Variants in NRP1 observed in about 807,000 individuals in gnomAD.
NRP1 encodes neuropilin 1, also known as neuropilin-1.
A neutral mutation model predicts 106.7 loss-of-function variants in NRP1; 35 were observed. The ratio of observed to expected loss-of-function variants is 0.33; its 90% CI spans 0.25 to 0.43. The LOEUF is 0.43. Among genes scored for constraint, NRP1 ranks in the 20% least tolerant of loss-of-function variants. The pLI is 1.00. For synonymous variants in NRP1, 437 were observed against 417.9 expected, an observed-to-expected ratio of 1.05 and a Z score of -0.56; for missense variants, 1,024 against 1,170.4, an observed-to-expected ratio of 0.87 and a Z score of 1.83.
chr10:33,243,099 C>G (rs182372869), intron 6 of NRP1, among the ~76,000 whole-genome samples: 4 of 152,186 alleles, frequency 2.6e-5, no homozygotes, highest in East Asian at 1.9e-4. Flanking sequence ...CTTATCTCCC[C>G]CTGTGGGCTG....
chr10:33,243,282 T>C (rs189645918), intron 6 of NRP1, among the ~76,000 whole-genome samples: 1,999 of 152,046 alleles, frequency 0.013, 34 homozygotes, highest in African/African-American at 0.045. Flanking sequence ...CACATAATTA[T>C]CATAGTGTTT....
intron 14 of NRP1, 48 bp downstream of exon 14, chr10:33,186,169 A>C (rs1452720096): frequency 6.5e-7 from 1 of 1,532,020 alleles, no homozygotes; most frequent in African/African-American, 1.4e-5. Context: ...ATATCATCTC[A>C]GCATTCCTGC....
At chr10:33,306,388 A>G (rs1298948370) in intron 2 of NRP1, among the ~76,000 whole-genome samples, 4 of 74,136 alleles carry the variant, frequency 5.4e-5, no homozygotes, top group Non-Finnish European at 8.9e-5. Flanking sequence ...GTGTGTGTGC[A>G]CGCTCCTGCA....
chr10:33,326,965 T>A lies in NRP1; in HGVS notation c.248+3743A>T, dbSNP rs568779093. On this transcript the variant is annotated intron_variant, in intron 2 of 16. Coordinates refer to ENST00000374867, the MANE Select transcript of NRP1 (RefSeq NM_003873.7). ...AAACAATAAAAATCTAAATAAAAAA[T>A]TTTTTTTTTTCTACCAGGACTATGT... Among the ~76,000 whole-genome samples, 313 of 149,558 alleles carry A rather than the reference T, an allele frequency of 2.1e-3. 1 individual carries two copies. The highest frequency in any genetic ancestry group is 6.8e-3 in the Middle Eastern group (2 of 292).
At chr10:33,244,914 A>G (rs922288562) in intron 6 of NRP1, among the ~76,000 whole-genome samples, 2 of 152,194 alleles carry the variant, frequency 1.3e-5, no homozygotes, top group Non-Finnish European at 2.9e-5. Context: ...TCTTAATCCC[A>G]TCCTTATTAG....
chr10:33,321,163 T>A (rs1017209651), intron 2 of NRP1, among the ~76,000 whole-genome samples: 1 of 152,156 alleles, frequency 6.6e-6, no homozygotes, highest in Non-Finnish European at 1.5e-5. Context: ...ATTTTTGCAT[T>A]TTTAGTAGAG....
At chr10:33,245,890 AG>A (rs1841384261) in intron 6 of NRP1, among the ~76,000 whole-genome samples, 2 of 152,240 alleles carry the variant, frequency 1.3e-5, no homozygotes, top group Non-Finnish European at 1.5e-5. Context: ...TAAAATGGAA[AG>A]TTGATGCTAC....
chr10:33,297,146 T>C (rs148582332), intron 2 of NRP1, among the ~76,000 whole-genome samples: 3 of 152,344 alleles, frequency 2.0e-5, no homozygotes, highest in African/African-American at 4.8e-5. Context: ...CTGATGCCAC[T>C]TAAGTTATGG....
chr10:33,202,067 T>C (rs950974327), intron 11 of NRP1: 39 of 152,328 alleles, frequency 2.6e-4, no homozygotes, highest in African/African-American at 8.2e-4. Flanking sequence ...CAAAAGCTCA[T>C]GTTTAATCTC....
chr10:33,183,237 T>C (rs1026602300), intron 15 of NRP1, among the ~76,000 whole-genome samples: 2 of 151,560 alleles, frequency 1.3e-5, no homozygotes, highest in African/African-American at 2.4e-5. Flanking sequence ...GCCCAGGAGA[T>C]GGAGTTTACA....
chr10:33,215,380 A>C (rs1394265006), intron 8 of NRP1, among the ~76,000 whole-genome samples: 1 of 152,202 alleles, frequency 6.6e-6, no homozygotes, highest in African/African-American at 2.4e-5. Context: ...TTAGTCATGT[A>C]CCCACAGCTA....
chr10:33,321,021 G>C (rs1564487822), intron 2 of NRP1, among the ~76,000 whole-genome samples: 2 of 152,188 alleles, frequency 1.3e-5, no homozygotes, highest in African/African-American at 4.8e-5. Context: ...GAGTCTCGCT[G>C]TGATGTCCCG....
chr10:33,308,468 CTG>C (rs1454202408), intron 2 of NRP1, among the ~76,000 whole-genome samples: 1 of 151,228 alleles, frequency 6.6e-6, no homozygotes, highest in Non-Finnish European at 1.5e-5. Context: ...AGGATAAAAG[CTG>C]TCTATAGAAA....
intron 9 of NRP1, chr10:33,213,037 C>A: frequency 5.2e-6 from 3 of 575,216 alleles, no homozygotes; most frequent in South Asian, 4.7e-5. Context: ...GGGGGGAGGG[C>A]AGACCCAAAC....
rs527867886 is a variant in NRP1 at position 33,309,463 on chromosome 10, T to A, written c.248+21245A>T. 7.9e-4 allele frequency among the ~76,000 whole-genome samples: 120 copies of A among 152,356 alleles called. 1 individual carries two copies. The highest frequency in any genetic ancestry group is 5.1e-3 in the Admixed American group (78 of 15,302). ...GCGGTGTCTCTTCATATGCATTCAA[T>A]GCTGAATGTCTGTGTTAGGATGTAC... On this transcript the variant is annotated intron_variant, in intron 2 of 16. Transcript: ENST00000374867.
intron 13 of NRP1, among the ~76,000 whole-genome samples, chr10:33,190,116 A>G (rs1298352661): frequency 1.3e-5 from 2 of 152,222 alleles, no homozygotes; most frequent in Non-Finnish European, 2.9e-5. Context: ...TAAAGCACTG[A>G]TATTTTCCCT....
intron 13 of NRP1, among the ~76,000 whole-genome samples, chr10:33,187,620 T>A (rs1050535176): frequency 1.1e-4 from 16 of 152,216 alleles, no homozygotes; most frequent in Admixed American, 9.8e-4. Context: ...ACTGGGAACA[T>A]TTCCTCCTGC....
At chr10:33,308,156 G>A (rs1244808110) in intron 2 of NRP1, among the ~76,000 whole-genome samples, 3 of 152,100 alleles carry the variant, frequency 2.0e-5, no homozygotes, top group Admixed American at 6.5e-5. Flanking sequence ...ATAAGTGGGA[G>A]CTAAACATTG....
At chr10:33,195,516 T>G in intron 12 of NRP1, 1 of 533,466 alleles carries the variant, frequency 1.9e-6, no homozygotes, top group Non-Finnish European at 3.8e-6. Context: ...AATGGAATTA[T>G]GATGAAGGTT....
Sources: allele counts gnomAD v4.1 joint callset (sites outside exome capture counted in the v4.1 genomes callset), GRCh38; gene constraint gnomAD v4.1.1; transcripts MANE v1.5; gene names NCBI Gene and HGNC (gene_info 2026-07-23, HGNC 2026-07-21).